CAT: variants seen among roughly 807,000 people sequenced by gnomAD.
The protein encoded by CAT is catalase, also known as epididymis secretory sperm binding protein.
CAT carries 43 observed loss-of-function variants against 59.0 expected under a neutral mutation model. The ratio of observed to expected loss-of-function variants is 0.73; its 90% confidence interval spans 0.57 to 0.94. The LOEUF is 0.94. CAT is among the 40% of genes least tolerant of loss of function. The pLI is 0.00. For synonymous variants in CAT, 218 were observed against 230.9 expected (o/e 0.94, Z 0.51); for missense variants, 664 against 682.9 (o/e 0.97, Z 0.31).
At position 34,449,348 on chromosome 11, in the gene CAT, CA is replaced by C; in HGVS notation, c.224del (p.His75LeufsTer60). 6.2e-7 allele frequency: 1 copy of C among 1,614,004 alleles called. No homozygotes were observed. Among genetic ancestry groups the C allele is most frequent in the Non-Finnish European group, 8.5e-7 (1 of 1,179,878 alleles). ...DRERIPERVV[H>X]AKGAGAFGYF... ...AGAGAGAATTCCTGAGAGAGTTGTG[CA>C]TGCTAAAGGAGCAGGTAAGTGCTGT... On this transcript the variant is annotated frameshift_variant, in exon 2 of 13. Transcript: ENST00000241052. LOFTEE classifies it high-confidence loss of function.
intron 1 of CAT, among the ~76,000 whole-genome samples, chr11:34,446,845 G>A (rs930774802): frequency 3.3e-5 from 5 of 151,664 alleles, no homozygotes; most frequent in Admixed American, 6.6e-5. Flanking sequence ...GGGTTCAAGC[G>A]ATTCTCCTGC....
rs756621555 is a variant in CAT at position 34,453,075 on chromosome 11, C to CT, written c.481-9dup. The CT allele has an allele frequency of 1.6e-5, 25 of 1,555,802 alleles. No homozygotes were observed. In the Admixed American group the frequency reaches 2.0e-4, roughly 12 times the overall value. On this transcript the variant is annotated splice_polypyrimidine_tract_variant and intron_variant, in intron 4 of 12. Transcript: ENST00000241052. ...ACTTAGTTTTTGGATTTTTTTCTCTCTTTTTTCTATTTAGTTTCCATCTTT... is the reference window on the plus strand; with the variant it reads ...ACTTAGTTTTTGGATTTTTTTCTCTCTTTTTTTCTATTTAGTTTCCATCTTT...
rs142700783 is a variant in CAT, at chr11:34,470,970, A to G, written c.1447A>G (p.Thr483Ala). The stretch of plus-strand genomic sequence containing the variant: ...CCTTTGGCCTTAGGTCAAGAACTTC[A>G]CTGAGGTCCACCCTGACTACGGGAG... ...FIQKKAVKNF[T>A]EVHPDYGSHI... Residue 483 changes from threonine (T) to alanine (A), a missense_variant, in exon 12 of 13, where the codon ACT becomes GCT. By Grantham distance (58) the Thr-to-Ala change is moderately conservative (BLOSUM62 0). Coordinates refer to ENST00000241052, the MANE Select transcript of CAT (RefSeq NM_001752.4). 4.7e-5 allele frequency: 76 copies of G among 1,614,006 alleles called. No homozygotes were observed. In the African/African-American group the frequency reaches 6.5e-4, roughly 14 times the overall value.
chr11:34,468,067 A>C (rs1856739166), intron 10 of CAT, among the ~76,000 whole-genome samples: 1 of 152,218 alleles, frequency 6.6e-6, no homozygotes, highest in Non-Finnish European at 1.5e-5. Flanking sequence ...AGTTACTATA[A>C]AGGATATTAT....
chr11:34,471,317 C>T (rs764073885), intron 12 of CAT, 51 bp from the exon 13 acceptor site: 15 of 1,343,246 alleles, frequency 1.1e-5, no homozygotes, highest in Non-Finnish European at 1.5e-5. Flanking sequence ...GTAAATATCA[C>T]GTTGCTGCCC....
At chr11:34,447,407 T>C (rs1856469876) in intron 1 of CAT, among the ~76,000 whole-genome samples, 1 of 152,192 alleles carries the variant, frequency 6.6e-6, no homozygotes, top group South Asian at 2.1e-4. Flanking sequence ...CTTTAGAAAG[T>C]AGAAATTTTT....
At chr11:34,461,650 A>T (rs1443534696) in intron 9 of CAT, among the ~76,000 whole-genome samples, 1 of 152,234 alleles carries the variant, frequency 6.6e-6, no homozygotes, top group Non-Finnish European at 1.5e-5. Flanking sequence ...CCAGTAGTTA[A>T]AAGCAGGGAG....
intron 10 of CAT, 110 bp downstream of exon 10, chr11:34,464,345 T>G: frequency 8.8e-7 from 1 of 1,134,292 alleles, no homozygotes; most frequent in Non-Finnish European, 1.3e-6. Context: ...TATCTTAAAT[T>G]GAATTCAAGG....
chr11:34,455,358 A>G (rs1856576907), intron 6 of CAT, among the ~76,000 whole-genome samples: 1 of 152,152 alleles, frequency 6.6e-6, no homozygotes, highest in African/African-American at 2.4e-5. Context: ...CCATCAAAGA[A>G]CAGTATGATA....
chr11:34,448,875 TCTGA>T (rs1430033940), intron 1 of CAT, among the ~76,000 whole-genome samples: 3 of 152,172 alleles, frequency 2.0e-5, no homozygotes, highest in Non-Finnish European at 4.4e-5. Context: ...TGGGCACCTC[TCTGA>T]CTGGGAGCTT....
chr11:34,468,152 C>G, intron 10 of CAT, 136 bp from the exon 11 acceptor site: 2 of 735,556 alleles, frequency 2.7e-6, no homozygotes, highest in East Asian at 5.4e-5. Flanking sequence ...GGACACAACC[C>G]AAATTTAAAA....
chr11:34,449,169 A>C lies in CAT; in HGVS notation c.67-23A>C, dbSNP rs761098020. ...GGTTTGATTGTGCTAACTCTCCTGC[A>C]CTTTCTTTCTGTGTTCCTGTAGAAA... On this transcript the variant is annotated intron_variant, in intron 1 of 12. Transcript: ENST00000241052. The C allele has an allele frequency of 1.9e-6, 3 of 1,610,728 alleles. No homozygotes were observed. The Admixed American group carries it at 5.0e-5, about 27-fold the overall frequency.
chr11:34,442,730 C>G (rs999540083), intron 1 of CAT, among the ~76,000 whole-genome samples: 2 of 152,194 alleles, frequency 1.3e-5, no homozygotes, highest in East Asian at 3.8e-4. Context: ...GAAGCTCCCC[C>G]TTGGTCAAAC....
At chr11:34,456,946 C>T (rs1856597837) in intron 8 of CAT, 129 bp downstream of exon 8, 1 of 967,836 alleles carries the variant, frequency 1.0e-6, no homozygotes, top group African/African-American at 1.6e-5. Context: ...AATCTGGGTG[C>T]TTGGTTACCT....
rs1052707254 is a variant in CAT, at chr11:34,456,197, A to T, written c.898A>T (p.Thr300Ser). ...TTTTCCATTTAATCCATTCGATCTCACCAAGGTGAGTCAGTAAACAACTAT... is the reference window on the plus strand; with the variant it reads ...TTTTCCATTTAATCCATTCGATCTCTCCAAGGTGAGTCAGTAAACAACTAT... ...ETFPFNPFDL[T>S]KVWPHKDYPL... The change falls in exon 7 of 13, where the codon ACC becomes TCC. Residue 300 changes from threonine (T) to serine (S), a missense_variant. Transcript: ENST00000241052. 6.2e-7 allele frequency: 1 copy of T among 1,605,096 alleles called. No individual in the cohort carries two copies. Among genetic ancestry groups the T allele is most frequent in the Non-Finnish European group, 8.5e-7 (1 of 1,172,134 alleles).
intron 1 of CAT, among the ~76,000 whole-genome samples, chr11:34,441,947 A>G (rs1856395681): frequency 6.6e-6 from 1 of 152,224 alleles, no homozygotes; most frequent in Non-Finnish European, 1.5e-5. Context: ...GCCTTTTTCC[A>G]AAGTGGTTGT....
In CAT at chr11:34,452,070, A is replaced by G. The variant is rs903967542; in HGVS notation, c.350-7A>G. ...TTATGCTTCCTGTTTCCATTTGAAT[A>G]TTGTAGCTGGAGAATCGGGTTCAGC... is the stretch of plus-strand genomic sequence containing the variant. On this transcript the variant is annotated splice_region_variant and splice_polypyrimidine_tract_variant and intron_variant, in intron 3 of 12. Coordinates refer to ENST00000241052, the MANE Select transcript of CAT (RefSeq NM_001752.4). The G allele has an allele frequency of 3.1e-6, 5 of 1,613,808 alleles. No homozygotes were observed. The highest frequency in any genetic ancestry group is 1.3e-5 in the African/African-American group (1 of 74,894).
In CAT at chr11:34,456,676, C is replaced by A. The variant is rs772847602; in HGVS notation, c.915C>A (p.His305Gln). 6.2e-7 allele frequency: 1 copy of A among 1,614,088 alleles called. No homozygotes were observed. The highest frequency in any genetic ancestry group is 1.1e-5 in the South Asian group (1 of 91,082). Residue 305 changes from histidine to glutamine, a missense_variant, in exon 8 of 13, where the codon CAC becomes CAA. Transcript: ENST00000241052. Reference protein sequence around the residue: ...NPFDLTKVWPHKDYPLIPVGK... With the variant: ...NPFDLTKVWPQKDYPLIPVGK... Reference sequence around the variant, plus strand: ...GACATCATTTTCAGGTTTGGCCTCACAAGGACTACCCTCTCATCCCAGTTG... The same window carrying A: ...GACATCATTTTCAGGTTTGGCCTCAAAAGGACTACCCTCTCATCCCAGTTG...
intron 1 of CAT, among the ~76,000 whole-genome samples, chr11:34,445,479 G>C (rs535683743): frequency 9.5e-6 from 1 of 105,008 alleles, no homozygotes; most frequent in South Asian, 3.6e-4. Flanking sequence ...CTGGGCAATA[G>C]AGCGAGACTC....
Sources: gnomAD v4.1 joint callset for allele counts (sites outside exome capture counted in the v4.1 genomes callset) on GRCh38, gnomAD v4.1.1 for gene constraint, MANE v1.5 for transcripts, NCBI Gene and HGNC (gene_info 2026-07-23, HGNC 2026-07-21) for gene names.